The following TULP4 variants were observed in gnomAD, a reference collection of about 807,000 sequenced individuals.
TULP4 encodes the protein TUB like protein 4, also known as tubby-related protein 4.
A neutral mutation model predicts 129.0 loss-of-function variants in TULP4; 16 were observed. That is an observed-to-expected ratio of 0.12 (90% CI 0.08 to 0.19). The LOEUF is 0.19. Ranked by LOEUF, TULP4 falls within the 10% of genes least tolerant of loss-of-function variation. TULP4 has a pLI of 1.00. For missense variants in TULP4, 1,842 were observed against 2,059.1 expected (o/e 0.89, Z 2.04); for synonymous variants, 998 against 854.0 (o/e 1.17, Z -2.94).
chr6:158,332,780 A>G (rs1223586602), intron 1 of TULP4, among the ~76,000 whole-genome samples: 3 of 152,056 alleles, frequency 2.0e-5, no homozygotes, highest in African/African-American at 7.3e-5. Context: ...TTCAGGAACT[A>G]TTTTCATCTT....
chr6:158,447,354 G>A (rs966078269), intron 3 of TULP4, among the ~76,000 whole-genome samples: 1 of 152,058 alleles, frequency 6.6e-6, no homozygotes, highest in Non-Finnish European at 1.5e-5. Flanking sequence ...TAGTAGTTAT[G>A]TCTTTCCTGA....
In TULP4 at chr6:158,507,851, A is replaced by G. The variant is rs1780640342; in HGVS notation, c.*1157A>G. ...TCAAATTAGAAATGTAACCAAAAAA[A>G]TGTTAAGTGTTCACCAGGGTATTAA... On this transcript the variant is annotated 3_prime_UTR_variant, in exon 14 of 14. Transcript: ENST00000367097. 1 of 152,210 alleles carries G rather than the reference A, an allele frequency of 6.6e-6. No individual in the cohort carries two copies. The highest frequency in any genetic ancestry group is 2.1e-4 in the South Asian group (1 of 4,818). 9.4% of individuals were successfully genotyped at this position (152,210 alleles called of 1,614,324 possible). A position where few individuals can be genotyped will look rare whatever the true frequency, so the allele number is the denominator to read the frequency against.
intron 1 of TULP4, among the ~76,000 whole-genome samples, chr6:158,360,861 TATGCCACCATTAGCATAA>T (rs1360349059): frequency 6.6e-6 from 1 of 152,228 alleles, no homozygotes; most frequent in Non-Finnish European, 1.5e-5. Flanking sequence ...TTACTACAGT[TATGCCACCATTAGCATAA>T]ATGCCACCAT....
At chr6:158,304,039 A>G (rs1455540998) in intron 1 of TULP4, among the ~76,000 whole-genome samples, 3 of 152,226 alleles carry the variant, frequency 2.0e-5, no homozygotes, top group Non-Finnish European at 4.4e-5. Context: ...GTTAGAAAGT[A>G]GAATATCTAA....
At chr6:158,269,002 A>G (rs1316818797) in intron 1 of TULP4, among the ~76,000 whole-genome samples, 3 of 152,202 alleles carry the variant, frequency 2.0e-5, no homozygotes, top group Admixed American at 6.5e-5. Context: ...CTTGTCACCC[A>G]TGTCCACACC....
Position 158,272,994 on chromosome 6 carries a change from G to A in TULP4, n.69-39057G>A, listed in dbSNP as rs79973013. Among the ~76,000 whole-genome samples the A allele has an allele frequency of 1.3e-3, 191 of 152,280 alleles. 3 individuals are homozygous for A. The East Asian group carries it at 0.033, about 26-fold the overall frequency. On this transcript the variant is annotated intron_variant and non_coding_transcript_variant, in intron 1 of 1. Coordinates refer to the TULP4 transcript ENST00000620026. ...GAATCTGGTCCGATCTTGTCATTTTGCCTTTGGCGAAAGTGAAGGCCCTTG... is the reference window on the plus strand; with the variant it reads ...GAATCTGGTCCGATCTTGTCATTTTACCTTTGGCGAAAGTGAAGGCCCTTG...
At chr6:158,236,260 A>G (rs1777696602) in intron 1 of TULP4, among the ~76,000 whole-genome samples, 1 of 152,264 alleles carries the variant, frequency 6.6e-6, no homozygotes, top group African/African-American at 2.4e-5. Context: ...TTTACAGCAT[A>G]TGTTATTTTC....
At chr6:158,380,267 GA>G (rs1212852318) in intron 1 of TULP4, among the ~76,000 whole-genome samples, 3 of 152,176 alleles carry the variant, frequency 2.0e-5, no homozygotes, top group African/African-American at 7.2e-5. Context: ...AAGAACTACG[GA>G]CAGCCCCTTG....
chr6:158,401,053 G>T (rs778437115), intron 1 of TULP4, among the ~76,000 whole-genome samples: 14 of 33,358 alleles, frequency 4.2e-4, no homozygotes, highest in Non-Finnish European at 9.4e-4. Context: ...TGGGTTTTTT[G>T]TTGTTGTTGT....
chr6:158,350,331 C>T (rs1019013035), intron 1 of TULP4, among the ~76,000 whole-genome samples: 72 of 150,500 alleles, frequency 4.8e-4, no homozygotes, highest in African/African-American at 1.5e-3. Flanking sequence ...GGGTGGCGGG[C>T]GGGCAGAGGC....
At chr6:158,399,692 G>A (rs1298366339) in intron 1 of TULP4, among the ~76,000 whole-genome samples, 7 of 152,070 alleles carry the variant, frequency 4.6e-5, no homozygotes, top group African/African-American at 1.7e-4. Flanking sequence ...GAATCTTTCT[G>A]TGTGCCAGAC....
At chr6:158,461,857 A>G in intron 6 of TULP4, 128 bp downstream of exon 6, 1 of 1,122,746 alleles carries the variant, frequency 8.9e-7, no homozygotes, top group East Asian at 2.6e-5. Flanking sequence ...AACCAGGAGA[A>G]ATAAGGGAGA....
intron 1 of TULP4, among the ~76,000 whole-genome samples, chr6:158,246,270 G>A (rs777551157): frequency 5.9e-5 from 9 of 152,040 alleles, no homozygotes; most frequent in Non-Finnish European, 1.0e-4. Flanking sequence ...GGGAGGCTGA[G>A]GTGGGTGGAT....
At chr6:158,482,183 C>T (rs375845767) in intron 8 of TULP4, among the ~76,000 whole-genome samples, 4 of 152,186 alleles carry the variant, frequency 2.6e-5, no homozygotes, top group African/African-American at 9.7e-5. Flanking sequence ...CTCCAGTTTA[C>T]TCTCCTGCCC....
At chr6:158,241,760 A>G (rs1777920428) in intron 1 of TULP4, 4 of 426,470 alleles carry the variant, frequency 9.4e-6, no homozygotes, top group Admixed American at 3.5e-5. Context: ...ACGCCCAGCT[A>G]ATTTTTGTAT....
At chr6:158,395,664 T>TGGGTGGG (rs1554287332) in intron 1 of TULP4, among the ~76,000 whole-genome samples, 10 of 5,358 alleles carry the variant, frequency 1.9e-3, no homozygotes, top group Admixed American at 0.01. Flanking sequence ...GGTAAAGTGA[T>TGGGTGGG]GGGCGGGGGG....
chr6:158,362,711 T>C (rs1053683395), intron 1 of TULP4, among the ~76,000 whole-genome samples: 2 of 152,196 alleles, frequency 1.3e-5, no homozygotes, highest in South Asian at 2.1e-4. Context: ...GGGTTGTAGA[T>C]TGTGTCCATC....
At chr6:158,360,177 T>A (rs146032964) in intron 1 of TULP4, among the ~76,000 whole-genome samples, 41 of 151,234 alleles carry the variant, frequency 2.7e-4, no homozygotes, top group African/African-American at 9.5e-4. Flanking sequence ...AATTAACAGA[T>A]TTCATGCCAG....
intron 3 of TULP4, among the ~76,000 whole-genome samples, chr6:158,439,922 AG>A (rs1778847952): frequency 6.6e-6 from 1 of 151,290 alleles, no homozygotes; most frequent in African/African-American, 2.4e-5. Flanking sequence ...TGTGTTAGCC[AG>A]GATGGTCTCG....
Sources: allele counts gnomAD v4.1 joint callset (sites outside exome capture counted in the v4.1 genomes callset), GRCh38; gene constraint gnomAD v4.1.1; transcripts MANE v1.5; gene names NCBI Gene and HGNC (gene_info 2026-07-23, HGNC 2026-07-21).